Variants in CACNA2D3 observed in about 807,000 individuals in gnomAD.
The protein encoded by CACNA2D3 is calcium voltage-gated channel auxiliary subunit alpha2delta 3.
A neutral mutation model predicts 160.6 loss-of-function variants in CACNA2D3; 60 were observed. The ratio of observed to expected loss-of-function variants is 0.37; its 90% CI spans 0.30 to 0.46. The LOEUF (loss-of-function observed/expected upper bound fraction) is 0.46, where lower values mean the gene tolerates loss of function less well. Ranked by LOEUF, CACNA2D3 falls within the 20% of genes least tolerant of loss-of-function variation. CACNA2D3 has a pLI of 1.00. For synonymous variants in CACNA2D3, 558 were observed against 492.9 expected (o/e 1.13, Z -1.75); for missense variants, 1,205 against 1,365.0 (o/e 0.88, Z 1.85).
At chr3:54,488,069 A>G (rs759414089) in intron 4 of CACNA2D3, among the ~76,000 whole-genome samples, 1 of 152,218 alleles carries the variant, frequency 6.6e-6, no homozygotes, top group African/African-American at 2.4e-5. Context: ...TCGAGGCAGG[A>G]TGAACAGTAA....
chr3:54,880,872 C>T lies in CACNA2D3; in HGVS notation c.1912+9C>T, dbSNP rs1699780094. 2 of 1,611,886 alleles carry T rather than the reference C, an allele frequency of 1.2e-6. No individual in the cohort carries two copies. The highest frequency in any genetic ancestry group is 1.3e-5 in the African/African-American group (1 of 74,868). On this transcript the variant is annotated intron_variant, in intron 21 of 37. Coordinates refer to ENST00000474759, the MANE Select transcript of CACNA2D3 (RefSeq NM_018398.3). The stretch of plus-strand genomic sequence containing the variant: ...TGTAACCATCGAAGAAGGTAAGATA[C>T]TGCCTGGCTCGTCTTATCCTTTGGT...
intron 17 of CACNA2D3, among the ~76,000 whole-genome samples, chr3:54,857,622 C>T (rs1699201548): frequency 6.6e-6 from 1 of 152,154 alleles, no homozygotes; most frequent in Non-Finnish European, 1.5e-5. Flanking sequence ...CATGTCCCTG[C>T]GGGTATTTCC....
chr3:54,243,725 CCAGACTT>C (rs1702015928), intron 2 of CACNA2D3, among the ~76,000 whole-genome samples: 1 of 152,188 alleles, frequency 6.6e-6, no homozygotes, highest in Admixed American at 6.5e-5. Context: ...GCTCCAGGCT[CCAGACTT>C]CAAACAACTG....
intron 4 of CACNA2D3, among the ~76,000 whole-genome samples, chr3:54,404,806 G>A (rs1024164130): frequency 4.0e-4 from 61 of 151,992 alleles, no homozygotes; most frequent in African/African-American, 1.4e-3. Context: ...AAAATTTCTT[G>A]TATTTCTATA....
chr3:54,437,776 T>A (rs1381463880), intron 4 of CACNA2D3, among the ~76,000 whole-genome samples: 3 of 152,212 alleles, frequency 2.0e-5, no homozygotes, highest in African/African-American at 7.2e-5. Flanking sequence ...ACATGAACTC[T>A]TGCATTTTTC....
intron 11 of CACNA2D3, among the ~76,000 whole-genome samples, chr3:54,664,019 C>G (rs1180720584): frequency 6.6e-6 from 1 of 151,222 alleles, no homozygotes; most frequent in African/African-American, 2.5e-5. Context: ...CAGTTCTCAC[C>G]AGAGTCCCTC....
intron 27 of CACNA2D3, among the ~76,000 whole-genome samples, chr3:54,911,386 G>T (rs1282144195): frequency 3.0e-5 from 3 of 100,644 alleles, no homozygotes; most frequent in African/African-American, 1.5e-4. Flanking sequence ...AGAGATGGGG[G>T]TCACACGTTT....
intron 35 of CACNA2D3, among the ~76,000 whole-genome samples, chr3:55,056,229 G>A (rs567198852): frequency 2.6e-5 from 4 of 152,024 alleles, no homozygotes; most frequent in African/African-American, 9.7e-5. Flanking sequence ...AATCATCAGG[G>A]TTATACAAAT....
intron 9 of CACNA2D3, among the ~76,000 whole-genome samples, chr3:54,607,920 A>G (rs1028787321): frequency 2.6e-5 from 4 of 152,230 alleles, no homozygotes; most frequent in African/African-American, 9.6e-5. Flanking sequence ...AAAAAGTTAC[A>G]TACTGTATGA....
intron 27 of CACNA2D3, among the ~76,000 whole-genome samples, chr3:54,928,429 G>A (rs1386501701): frequency 6.6e-6 from 1 of 152,144 alleles, no homozygotes; most frequent in Admixed American, 6.5e-5. Flanking sequence ...ATGCTGGACG[G>A]GACCCTCACC....
intron 4 of CACNA2D3, among the ~76,000 whole-genome samples, chr3:54,437,397 T>G (rs751371780): frequency 1.4e-4 from 22 of 152,240 alleles, no homozygotes; most frequent in Non-Finnish European, 2.9e-4. Context: ...TTTTTGGTTT[T>G]GAATTTTTCT....
At position 54,809,307 on chromosome 3, in the gene CACNA2D3, C is replaced by CTTTTTTTTTTTTTTTT. The variant is rs1417063441; in HGVS notation, c.1381-7543_1381-7542insTTTTTTTTTTTTTTTT. On this transcript the variant is annotated intron_variant, in intron 13 of 37. Transcript: ENST00000474759. ...TCTCTCTTTCTTTCCTTCCTTCCTT[C>CTTTTTTTTTTTTTTTT]TTTCTTTTTTTTTTTTTTTTTTGAG... Among the ~76,000 whole-genome samples, 60 of 86,246 alleles carry CTTTTTTTTTTTTTTTT rather than the reference C, an allele frequency of 7.0e-4. 1 individual carries two copies. Among genetic ancestry groups the CTTTTTTTTTTTTTTTT allele is most frequent in the South Asian group, 3.6e-4 (1 of 2,756 alleles). 56.6% of individuals were successfully genotyped at this position (86,246 alleles called of 152,430 possible).
intron 29 of CACNA2D3, among the ~76,000 whole-genome samples, chr3:54,970,685 G>A (rs538896013): frequency 1.6e-3 from 228 of 142,240 alleles, no homozygotes; most frequent in Non-Finnish European, 2.9e-3. Context: ...CTACACATGC[G>A]CAATGGAAGA....
At chr3:54,443,794 G>A (rs1575457957) in intron 4 of CACNA2D3, among the ~76,000 whole-genome samples, 1 of 152,266 alleles carries the variant, frequency 6.6e-6, no homozygotes, top group South Asian at 2.1e-4. Flanking sequence ...CAAGTTTCAC[G>A]GTTTCTTCCT....
intron 2 of CACNA2D3, among the ~76,000 whole-genome samples, chr3:54,145,960 T>G (rs1177740230): frequency 6.6e-6 from 1 of 152,238 alleles, no homozygotes; most frequent in African/African-American, 2.4e-5. Context: ...TTTCACCTAC[T>G]TTCTCTTCAG....
At chr3:54,583,625 C>T (rs530564212) in intron 9 of CACNA2D3, among the ~76,000 whole-genome samples, 6 of 152,186 alleles carry the variant, frequency 3.9e-5, no homozygotes, top group South Asian at 2.1e-4. Flanking sequence ...ATCTGAAATC[C>T]GCAATGCTCC....
chr3:55,071,315 A>G (rs1033920995), intron 35 of CACNA2D3, among the ~76,000 whole-genome samples: 2 of 152,168 alleles, frequency 1.3e-5, no homozygotes, highest in African/African-American at 4.8e-5. Context: ...TGTGAATCTA[A>G]CAACCTCACA....
chr3:54,918,647 G>A, intron 27 of CACNA2D3: 1 of 1,614,164 alleles, frequency 6.2e-7, no homozygotes, highest in Non-Finnish European at 8.5e-7. Flanking sequence ...GCAATGGCAT[G>A]ACGCAGGTTG....
chr3:54,981,247 T>A (rs796989414), intron 29 of CACNA2D3, among the ~76,000 whole-genome samples: 11 of 152,352 alleles, frequency 7.2e-5, no homozygotes, highest in African/African-American at 2.6e-4. Flanking sequence ...TTGCGCCTTC[T>A]TGAACAGTGG....
Sources: gnomAD v4.1 joint callset for allele counts (sites outside exome capture counted in the v4.1 genomes callset) on GRCh38, gnomAD v4.1.1 for gene constraint, MANE v1.5 for transcripts, NCBI Gene and HGNC (gene_info 2026-07-23, HGNC 2026-07-21) for gene names.